The following CHST9 variants were observed in gnomAD, a reference collection of about 807,000 sequenced individuals.
CHST9 encodes carbohydrate sulfotransferase 9, also known as GalNAc-4-sulfotransferase 2.
CHST9 carries 41 observed loss-of-function variants against 44.4 expected under a neutral mutation model. That is an observed-to-expected ratio of 0.92 (90% CI 0.72 to 1.20). The LOEUF is 1.20. Among genes scored for constraint, CHST9 ranks in the 50% most tolerant of loss-of-function variants. The pLI, the probability that CHST9 is intolerant of heterozygous loss-of-function variation, is 0.00. For synonymous variants in CHST9, 171 were observed against 178.4 expected (o/e 0.96, Z 0.33); for missense variants, 504 against 516.5 (o/e 0.98, Z 0.23).
At chr18:26,984,982 C>G (rs1434199728) in intron 4 of CHST9, among the ~76,000 whole-genome samples, 1 of 152,142 alleles carries the variant, frequency 6.6e-6, no homozygotes, top group African/African-American at 2.4e-5. Flanking sequence ...TCCCATCACC[C>G]AGAAATTCCA....
intron 2 of CHST9, among the ~76,000 whole-genome samples, chr18:27,127,700 C>T (rs2058436556): frequency 6.6e-6 from 1 of 152,032 alleles, no homozygotes; most frequent in East Asian, 1.9e-4. Context: ...AACGACAAAG[C>T]AATACAGAAA....
At chr18:27,048,689 G>C (rs1244660779) in intron 2 of CHST9, among the ~76,000 whole-genome samples, 186 bp from the exon 3 acceptor site, 1 of 152,094 alleles carries the variant, frequency 6.6e-6, no homozygotes, top group Non-Finnish European at 1.5e-5. Flanking sequence ...ATTTATGAAA[G>C]TAAAAAATAA....
intron 5 of CHST9, among the ~76,000 whole-genome samples, chr18:26,942,917 G>A (rs1405877541): frequency 6.6e-6 from 1 of 152,178 alleles, no homozygotes; most frequent in South Asian, 2.1e-4. Flanking sequence ...AGACCATCCT[G>A]GCCAACATGG....
intron 4 of CHST9, among the ~76,000 whole-genome samples, chr18:26,961,371 C>T (rs1157943092): frequency 6.6e-6 from 1 of 151,710 alleles, no homozygotes; most frequent in Non-Finnish European, 1.5e-5. Context: ...CTTTGTTACA[C>T]GTTAAGGCCG....
At chr18:27,127,929 C>T (rs1013352261) in intron 2 of CHST9, among the ~76,000 whole-genome samples, 1 of 152,058 alleles carries the variant, frequency 6.6e-6, no homozygotes, top group Non-Finnish European at 1.5e-5. Context: ...TCTGTGACGA[C>T]AGAGGAGAGG....
intron 2 of CHST9, among the ~76,000 whole-genome samples, chr18:27,066,561 A>C (rs1407085429): frequency 6.6e-6 from 1 of 152,064 alleles, no homozygotes; most frequent in Non-Finnish European, 1.5e-5. Flanking sequence ...CTCCCAAAAG[A>C]GTTGGGATTA....
intron 4 of CHST9, among the ~76,000 whole-genome samples, chr18:26,987,265 C>G (rs780053768): frequency 9.9e-5 from 15 of 152,166 alleles, no homozygotes; most frequent in Non-Finnish European, 1.5e-4. Flanking sequence ...GGTTTTGGCT[C>G]TCTTTGCACG....
At chr18:26,957,139 C>A (rs751074413) in intron 4 of CHST9, among the ~76,000 whole-genome samples, 1 of 152,112 alleles carries the variant, frequency 6.6e-6, no homozygotes, top group African/African-American at 2.4e-5. Flanking sequence ...ATCAATCAAA[C>A]CTGTGGTGCC....
intron 3 of CHST9, among the ~76,000 whole-genome samples, chr18:27,027,767 T>G (rs2057298361): frequency 6.6e-6 from 1 of 152,230 alleles, no homozygotes; most frequent in Non-Finnish European, 1.5e-5. Context: ...ATAATCATCA[T>G]GTATATTTCT....
intron 4 of CHST9, among the ~76,000 whole-genome samples, chr18:26,962,671 A>G (rs902901344): frequency 2.0e-5 from 3 of 151,964 alleles, no homozygotes; most frequent in Non-Finnish European, 4.4e-5. Context: ...ACATTTACTG[A>G]TAGTTGGTGC....
chr18:27,012,624 C>T (rs2057098535), intron 4 of CHST9, among the ~76,000 whole-genome samples: 1 of 152,052 alleles, frequency 6.6e-6, no homozygotes, highest in African/African-American at 2.4e-5. Flanking sequence ...TTACAGAGCA[C>T]TTTGGCATGG....
Position 26,909,774 on chromosome 18 carries a change from G to A in CHST9, c.*6485C>T. ...TATAGAAGTGGGGGGAGGAGTAGGA[G>A]GAGTAGGAGGAGGAGGAGGAAGAGG... On this transcript the variant is annotated 3_prime_UTR_variant, in exon 6 of 6. Transcript: ENST00000618847. 6.6e-6 allele frequency: 1 copy of A among 152,578 alleles called. No individual in the cohort carries two copies. The highest frequency in any genetic ancestry group is 1.5e-5 in the Non-Finnish European group (1 of 68,240). The allele number at this position is 152,578 out of a possible 1,614,324, so 9.5% of individuals were successfully genotyped here.
chr18:26,955,222 C>A (rs996139277), intron 4 of CHST9, among the ~76,000 whole-genome samples: 18 of 105,632 alleles, frequency 1.7e-4, no homozygotes, highest in Non-Finnish European at 3.0e-4. Context: ...CACCAGAATT[C>A]TGTTTTTTTT....
At chr18:27,000,653 T>TATCTATCTATCTATCTATCTATC (rs1481787739) in intron 4 of CHST9, among the ~76,000 whole-genome samples, 39 of 151,440 alleles carry the variant, frequency 2.6e-4, no homozygotes, top group African/African-American at 9.4e-4. Flanking sequence ...TCTATCTATC[T>TATCTATCTATCTATCTATCTATC]ATCTCTCTAT....
intron 3 of CHST9, among the ~76,000 whole-genome samples, chr18:27,041,941 G>A (rs540050585): frequency 5.9e-5 from 9 of 152,122 alleles, no homozygotes; most frequent in African/African-American, 1.4e-4. Context: ...ATATTGTTCC[G>A]AAACCATAAA....
chr18:27,033,705 G>A (rs2057363909), intron 3 of CHST9, among the ~76,000 whole-genome samples: 2 of 152,062 alleles, frequency 1.3e-5, no homozygotes, highest in Admixed American at 1.3e-4. Flanking sequence ...TGGCTCTAAT[G>A]ACAACTATAT....
chr18:27,043,127 C>T (rs1413239736), intron 3 of CHST9, among the ~76,000 whole-genome samples: 2 of 151,912 alleles, frequency 1.3e-5, no homozygotes, highest in Non-Finnish European at 2.9e-5. Context: ...TTTATCTTTC[C>T]TAGGGTCTCG....
intron 4 of CHST9, among the ~76,000 whole-genome samples, chr18:26,953,593 A>G (rs1167522793): frequency 6.6e-6 from 1 of 152,166 alleles, no homozygotes; most frequent in African/African-American, 2.4e-5. Context: ...AAAATCAAAG[A>G]CAGCCTGTTG....
At chr18:27,083,738 A>G (rs780322932) in intron 2 of CHST9, among the ~76,000 whole-genome samples, 1 of 152,124 alleles carries the variant, frequency 6.6e-6, no homozygotes, top group Non-Finnish European at 1.5e-5. Context: ...ATCTGCTTCT[A>G]GTCTTCTCAT....
Sources: allele counts gnomAD v4.1 joint callset (sites outside exome capture counted in the v4.1 genomes callset), GRCh38; gene constraint gnomAD v4.1.1; transcripts MANE v1.5; gene names NCBI Gene and HGNC (gene_info 2026-07-23, HGNC 2026-07-21).